The following VPS13A variants were observed in gnomAD, a reference collection of about 807,000 sequenced individuals.
VPS13A encodes the protein vacuolar protein sorting 13 homolog A, also known as intermembrane lipid transfer protein VPS13A.
A neutral mutation model predicts 390.9 loss-of-function variants in VPS13A; 264 were observed. That is an observed-to-expected ratio of 0.68 (90% CI 0.61 to 0.75). VPS13A has a LOEUF of 0.75. Among genes scored for constraint, VPS13A ranks in the 30% least tolerant of loss-of-function variants. VPS13A has a pLI of 0.00. For missense variants in VPS13A, 3,409 were observed against 3,733.9 expected (o/e 0.91, Z 2.27); for synonymous variants, 1,231 against 1,227.1 (o/e 1.00, Z -0.07).
intron 1 of VPS13A, among the ~76,000 whole-genome samples, chr9:77,180,202 T>C (rs561120569): frequency 6.6e-6 from 1 of 152,194 alleles, no homozygotes; most frequent in Non-Finnish European, 1.5e-5. Flanking sequence ...TTTTTGTGGA[T>C]GTATGTTTTA....
chr9:77,252,455 T>G (rs758141745), intron 22 of VPS13A, 103 bp downstream of exon 22: 39 of 937,636 alleles, frequency 4.2e-5, no homozygotes, highest in Non-Finnish European at 6.3e-5. Flanking sequence ...TGGTGAAATG[T>G]ATATAACTGA....
chr9:77,297,665 G>A (rs896882410), intron 33 of VPS13A, among the ~76,000 whole-genome samples: 1 of 151,574 alleles, frequency 6.6e-6, no homozygotes, highest in Non-Finnish European at 1.5e-5. Context: ...TGTCACTTGA[G>A]CATTTATTAA....
At chr9:77,199,251 T>C (rs1391459878) in intron 1 of VPS13A, among the ~76,000 whole-genome samples, 2 of 152,162 alleles carry the variant, frequency 1.3e-5, no homozygotes, top group Admixed American at 6.5e-5. Context: ...TTGCCCAGGC[T>C]GGACTTCTAG....
rs1395128279 is a variant in VPS13A at position 77,355,802 on chromosome 9, CT to C, written c.7653-911del. Among the ~76,000 whole-genome samples, 4 of 152,302 alleles carry C rather than the reference CT, an allele frequency of 2.6e-5. No individual in the cohort carries two copies. In the East Asian group the frequency reaches 7.7e-4, roughly 29 times the overall value. On this transcript the variant is annotated intron_variant, in intron 54 of 71. Coordinates refer to ENST00000360280, the MANE Select transcript of VPS13A (RefSeq NM_033305.3). Reference sequence around the variant, plus strand: ...ACCTAATTCATCAAGAAGATCTGTGCTGGTTCTACCTTCAAAGTGCACATAG... The same window carrying C: ...ACCTAATTCATCAAGAAGATCTGTGCGGTTCTACCTTCAAAGTGCACATAG...
chr9:77,395,678 A>T (rs949356736), intron 68 of VPS13A: 29 of 152,304 alleles, frequency 1.9e-4, no homozygotes, highest in African/African-American at 6.7e-4. Context: ...CATGGTGCCT[A>T]ATAATAACTC....
intron 26 of VPS13A, 165 bp from the exon 27 acceptor site, chr9:77,279,994 A>C (rs1826921754): frequency 1.9e-6 from 1 of 518,220 alleles, no homozygotes; most frequent in East Asian, 3.5e-5. Context: ...AAATTTTTAG[A>C]GTTTAAAGAA....
intron 68 of VPS13A, among the ~76,000 whole-genome samples, chr9:77,393,966 C>T (rs545968363): frequency 4.0e-4 from 61 of 152,194 alleles, no homozygotes; most frequent in African/African-American, 1.4e-3. Flanking sequence ...TGGGGTTTCA[C>T]CATGTTGGCC....
chr9:77,384,141 T>G (rs1348522806), intron 68 of VPS13A, among the ~76,000 whole-genome samples: 1 of 151,760 alleles, frequency 6.6e-6, no homozygotes, highest in Non-Finnish European at 1.5e-5. Flanking sequence ...ATTTGATACT[T>G]TCAAATGTTT....
At chr9:77,223,372 TA>T (rs2131186194) in intron 13 of VPS13A, among the ~76,000 whole-genome samples, 1 of 152,206 alleles carries the variant, frequency 6.6e-6, no homozygotes, top group Non-Finnish European at 1.5e-5. Flanking sequence ...AAGTTGGAAA[TA>T]ATTAAGCTTA....
At chr9:77,400,646 A>G (rs1422794581) in intron 68 of VPS13A, among the ~76,000 whole-genome samples, 1 of 151,626 alleles carries the variant, frequency 6.6e-6, no homozygotes, top group Non-Finnish European at 1.5e-5. Context: ...AACATGGTGA[A>G]ACCCCGTCTC....
intron 35 of VPS13A, among the ~76,000 whole-genome samples, chr9:77,312,414 G>A (rs1240090682): frequency 6.7e-6 from 1 of 149,506 alleles, no homozygotes; most frequent in Non-Finnish European, 1.5e-5. Context: ...ATGAAAACTT[G>A]TTCATATAAT....
At chr9:77,390,412 G>A (rs1212959161) in intron 68 of VPS13A, among the ~76,000 whole-genome samples, 1 of 152,094 alleles carries the variant, frequency 6.6e-6, no homozygotes, top group Non-Finnish European at 1.5e-5. Context: ...AGGCCCAAAT[G>A]TTGAACATTT....
chr9:77,199,049 G>A (rs549470970), intron 1 of VPS13A, among the ~76,000 whole-genome samples: 115 of 152,178 alleles, frequency 7.6e-4, no homozygotes, highest in African/African-American at 2.7e-3. Context: ...TTACAGATAG[G>A]GAAGGACTTA....
At chr9:77,251,959 G>A (rs1236168790) in intron 21 of VPS13A, among the ~76,000 whole-genome samples, 1 of 152,102 alleles carries the variant, frequency 6.6e-6, no homozygotes, top group African/African-American at 2.4e-5. Flanking sequence ...ATTAGTTACT[G>A]TTAAAGAACC....
At chr9:77,363,985 G>A (rs540524967) in intron 59 of VPS13A, among the ~76,000 whole-genome samples, 65 of 152,226 alleles carry the variant, frequency 4.3e-4, no homozygotes, top group Non-Finnish European at 8.2e-4. Context: ...GGTAAGAGGG[G>A]CAGTGGCCTG....
At chr9:77,273,449 CAGA>C in intron 24 of VPS13A, 85 bp downstream of exon 24, 1 of 1,078,316 alleles carries the variant, frequency 9.3e-7, no homozygotes, top group South Asian at 1.5e-5. Flanking sequence ...AAGGACCACA[CAGA>C]GGAAGGAAAA....
At chr9:77,200,563 A>AT (rs552295044) in intron 2 of VPS13A, among the ~76,000 whole-genome samples, 23 of 149,930 alleles carry the variant, frequency 1.5e-4, no homozygotes, top group South Asian at 6.4e-4. Context: ...TTGTTTTCTG[A>AT]TTTTTTTTTT....
intron 52 of VPS13A, among the ~76,000 whole-genome samples, chr9:77,350,638 A>G (rs1197603009): frequency 2.0e-5 from 3 of 152,110 alleles, no homozygotes; most frequent in African/African-American, 7.2e-5. Flanking sequence ...TGAGAGTAAC[A>G]TTTTTATTTT....
intron 4 of VPS13A, 110 bp from the exon 5 acceptor site, chr9:77,205,868 G>A: frequency 1.3e-6 from 1 of 789,630 alleles, no homozygotes; most frequent in Non-Finnish European, 2.0e-6. Flanking sequence ...GGGATTACAG[G>A]CATGAGCCAC....
Sources: allele counts gnomAD v4.1 joint callset (sites outside exome capture counted in the v4.1 genomes callset), GRCh38; gene constraint gnomAD v4.1.1; transcripts MANE v1.5; gene names NCBI Gene and HGNC (gene_info 2026-07-23, HGNC 2026-07-21).